ZNF608: variants seen among roughly 807,000 people sequenced by gnomAD.
ZNF608 encodes the protein zinc finger protein 608, also known as renal carcinoma antigen NY-REN-36.
Under a neutral mutation model 109.0 loss-of-function variants are expected in ZNF608, and 12 were observed. The observed-to-expected ratio is 0.11, with a 90% CI of 0.07 to 0.18. The LOEUF is 0.18. Among genes scored for constraint, ZNF608 ranks in the 10% least tolerant of loss-of-function variants. The probability of loss-of-function intolerance (pLI) is 1.00; values close to 1 mark genes in which losing one functional copy is unlikely to be tolerated. For synonymous variants in ZNF608, 732 were observed against 717.4 expected (o/e 1.02, Z -0.33); for missense variants, 1,707 against 1,879.3 (o/e 0.91, Z 1.70).
At chr5:124,678,362 T>C (rs1409300807) in intron 3 of ZNF608, among the ~76,000 whole-genome samples, 3 of 152,212 alleles carry the variant, frequency 2.0e-5, no homozygotes, top group South Asian at 2.1e-4. Flanking sequence ...TAATTAACTA[T>C]GGAAATCCAC....
At chr5:124,652,558 A>C (rs1750838194) in intron 3 of ZNF608, among the ~76,000 whole-genome samples, 1 of 152,226 alleles carries the variant, frequency 6.6e-6, no homozygotes, top group Non-Finnish European at 1.5e-5. Context: ...ACATGTTTAC[A>C]CAGCCAAATC....
At chr5:124,738,782 G>C (rs1258510268) in intron 2 of ZNF608, among the ~76,000 whole-genome samples, 2 of 152,166 alleles carry the variant, frequency 1.3e-5, no homozygotes, top group Admixed American at 6.5e-5. Flanking sequence ...TTAAAGTAGA[G>C]GGATGGCTGA....
At chr5:124,675,077 T>C (rs1751885576) in intron 3 of ZNF608, among the ~76,000 whole-genome samples, 3 of 152,004 alleles carry the variant, frequency 2.0e-5, no homozygotes, top group Admixed American at 1.3e-4. Context: ...TAAAAACAAA[T>C]AAATTAAAAA....
chr5:124,670,202 T>C (rs1174382659), intron 3 of ZNF608, among the ~76,000 whole-genome samples: 1 of 152,184 alleles, frequency 6.6e-6, no homozygotes, highest in Admixed American at 6.5e-5. Flanking sequence ...AGCCCAGCAA[T>C]CCTTTCTTCA....
intron 3 of ZNF608, among the ~76,000 whole-genome samples, chr5:124,700,035 T>C (rs896555294): frequency 1.3e-5 from 2 of 152,102 alleles, no homozygotes; most frequent in African/African-American, 4.8e-5. Flanking sequence ...GACCATGATA[T>C]CAACAACTGT....
At chr5:124,721,059 G>A (rs192217932) in intron 2 of ZNF608, among the ~76,000 whole-genome samples, 32 of 152,214 alleles carry the variant, frequency 2.1e-4, no homozygotes, top group African/African-American at 6.7e-4. Flanking sequence ...TGCCATGACA[G>A]TTTGTTATTC....
At chr5:124,721,323 C>T (rs1753891731) in intron 2 of ZNF608, among the ~76,000 whole-genome samples, 1 of 152,042 alleles carries the variant, frequency 6.6e-6, no homozygotes, top group African/African-American at 2.4e-5. Flanking sequence ...TCCTCTGTAA[C>T]CCTACTAAAA....
intron 3 of ZNF608, among the ~76,000 whole-genome samples, chr5:124,660,177 T>C (rs1751190462): frequency 1.4e-5 from 2 of 145,538 alleles, no homozygotes; most frequent in Admixed American, 1.3e-4. Context: ...TAACTCTGTG[T>C]GTGTGTGTGT....
At chr5:124,665,482 GA>G (rs1751440411) in intron 3 of ZNF608, among the ~76,000 whole-genome samples, 2 of 152,222 alleles carry the variant, frequency 1.3e-5, no homozygotes, top group African/African-American at 4.8e-5. Context: ...CTGGAAAGGT[GA>G]AAATTGTTCA....
At chr5:124,659,055 T>C (rs1751136291) in intron 3 of ZNF608, among the ~76,000 whole-genome samples, 1 of 152,052 alleles carries the variant, frequency 6.6e-6, no homozygotes, top group South Asian at 2.1e-4. Flanking sequence ...TTACTCCCAC[T>C]GTCAGACTCA....
intron 3 of ZNF608, among the ~76,000 whole-genome samples, chr5:124,661,596 C>T (rs1163125370): frequency 6.6e-6 from 1 of 152,174 alleles, no homozygotes; most frequent in African/African-American, 2.4e-5. Flanking sequence ...TCTCCTCCAG[C>T]ACAGGGAAGG....
intron 5 of ZNF608, among the ~76,000 whole-genome samples, chr5:124,646,292 A>G: frequency 6.6e-6 from 1 of 152,172 alleles, no homozygotes; most frequent in East Asian, 1.9e-4. Flanking sequence ...ACGGAGGCGG[A>G]GGTTGCAGAG....
In ZNF608 at chr5:124,641,424, AT is replaced by A. The variant is rs968999760; in HGVS notation, c.4297-20del. On this transcript the variant is annotated intron_variant, in intron 7 of 9. Coordinates refer to ENST00000513986, the MANE Select transcript of ZNF608 (RefSeq NM_020747.3). ...CCACAGGCTGCAACAGAAAAGAGAAATTTTCCCCCTTCATGCTCTGAAAATC... is the reference window on the plus strand; with the variant it reads ...CCACAGGCTGCAACAGAAAAGAGAAATTTCCCCCTTCATGCTCTGAAAATC... 6.9e-6 allele frequency: 11 copies of A among 1,595,336 alleles called. No individual in the cohort carries two copies. Among genetic ancestry groups the A allele is most frequent in the Non-Finnish European group, 8.6e-6 (10 of 1,167,512 alleles).
intron 3 of ZNF608, among the ~76,000 whole-genome samples, chr5:124,691,556 C>T (rs1296649424): frequency 6.6e-6 from 1 of 152,172 alleles, no homozygotes; most frequent in African/African-American, 2.4e-5. Context: ...GCATTATTCA[C>T]AATAGCCAAC....
intron 2 of ZNF608, chr5:124,735,081 G>T (rs1469576207): frequency 6.6e-6 from 1 of 152,144 alleles, no homozygotes; most frequent in Non-Finnish European, 1.5e-5. Context: ...CAAACAGTTG[G>T]AAACTCTTCC....
chr5:124,666,485 T>C (rs994436061), intron 3 of ZNF608: 2 of 152,214 alleles, frequency 1.3e-5, no homozygotes, highest in Admixed American at 6.5e-5. Flanking sequence ...CTCCAAATAA[T>C]ACAAATAGAG....
Position 124,746,347 on chromosome 5 carries a change from C to G in ZNF608, c.-336G>C, listed in dbSNP as rs1481760203. Reference sequence around the variant, plus strand: ...ACACATCTCAGCCAGAATAATCACTCGATAACATTATTCCACCTCCCCACC... The same window carrying G: ...ACACATCTCAGCCAGAATAATCACTGGATAACATTATTCCACCTCCCCACC... On this transcript the variant is annotated 5_prime_UTR_variant, in exon 1 of 10. Coordinates refer to ENST00000513986, the MANE Select transcript of ZNF608 (RefSeq NM_020747.3). 1.0e-6 allele frequency: 1 copy of G among 985,116 alleles called. No homozygotes were observed. The highest frequency in any genetic ancestry group is 1.2e-6 in the Non-Finnish European group (1 of 829,898). The allele number at this position is 985,116 out of a possible 1,614,324, so 61.0% of individuals were successfully genotyped here.
upstream of ZNF608, chr5:124,746,894 G>A (rs931421289): frequency 8.3e-6 from 3 of 359,826 alleles, no homozygotes; most frequent in African/African-American, 7.3e-5. Context: ...GGAGACAGCA[G>A]ATGATTCAGT....
At chr5:124,700,843 C>T (rs1753021971) in intron 3 of ZNF608, among the ~76,000 whole-genome samples, 171 bp downstream of exon 3, 1 of 152,198 alleles carries the variant, frequency 6.6e-6, no homozygotes, top group Non-Finnish European at 1.5e-5. Flanking sequence ...AGCAGCCATG[C>T]ACAAGAAGAC....
Sources: gnomAD v4.1 joint callset for allele counts (sites outside exome capture counted in the v4.1 genomes callset) on GRCh38, gnomAD v4.1.1 for gene constraint, MANE v1.5 for transcripts, NCBI Gene and HGNC (gene_info 2026-07-23, HGNC 2026-07-21) for gene names.